The following REEP1 variants were observed in gnomAD, a reference collection of about 807,000 sequenced individuals.
REEP1 encodes receptor accessory protein 1, also known as receptor expression-enhancing protein 1.
A neutral mutation model predicts 40.3 loss-of-function variants in REEP1; 22 were observed. That is an observed-to-expected ratio of 0.55 (90% confidence interval 0.39 to 0.78). The LOEUF (loss-of-function observed/expected upper bound fraction) is 0.78. REEP1 is among the 30% of genes least tolerant of loss of function. The probability of loss-of-function intolerance (pLI) is 0.00; values close to 1 mark genes in which losing one functional copy is unlikely to be tolerated. For synonymous variants in REEP1, 116 were observed against 139.2 expected, an observed-to-expected ratio of 0.83 and a Z score of 1.17; for missense variants, 280 against 361.1, an observed-to-expected ratio of 0.78 and a Z score of 1.82.
chr2:86,313,620 C>A (rs1048682817), intron 1 of REEP1, among the ~76,000 whole-genome samples: 2 of 152,204 alleles, frequency 1.3e-5, no homozygotes, highest in Non-Finnish European at 2.9e-5. Flanking sequence ...ATATTGAAAC[C>A]AGTTTGAGCC....
chr2:86,252,728 G>T (rs1412092504), intron 4 of REEP1, among the ~76,000 whole-genome samples: 1 of 152,080 alleles, frequency 6.6e-6, no homozygotes, highest in Non-Finnish European at 1.5e-5. Flanking sequence ...TTTGTATATC[G>T]ATGGGAGGGA....
At chr2:86,247,307 G>A (rs1029526565) in intron 5 of REEP1, among the ~76,000 whole-genome samples, 4 of 152,290 alleles carry the variant, frequency 2.6e-5, no homozygotes, top group African/African-American at 9.6e-5. Flanking sequence ...GTAGGAAATT[G>A]AGGGTGGGAT....
chr2:86,250,063 T>C (rs562446758), intron 5 of REEP1, among the ~76,000 whole-genome samples: 1 of 152,266 alleles, frequency 6.6e-6, no homozygotes, highest in Non-Finnish European at 1.5e-5. Context: ...ATAAGGTGCC[T>C]GGATGGAGAA....
At chr2:86,264,958 G>A (rs1677061820) in intron 2 of REEP1, among the ~76,000 whole-genome samples, 1 of 152,124 alleles carries the variant, frequency 6.6e-6, no homozygotes, top group South Asian at 2.1e-4. Flanking sequence ...AGTCTTATTT[G>A]TCCAAAGAAA....
At chr2:86,289,388 C>CTATA (rs1678575470) in intron 1 of REEP1, among the ~76,000 whole-genome samples, 4 of 152,166 alleles carry the variant, frequency 2.6e-5, no homozygotes, top group Non-Finnish European at 5.9e-5. Context: ...AACCATGCAC[C>CTATA]TATACCACGG....
chr2:86,313,794 A>G (rs1171273436), intron 1 of REEP1, among the ~76,000 whole-genome samples: 3 of 152,172 alleles, frequency 2.0e-5, no homozygotes, highest in Non-Finnish European at 2.9e-5. Flanking sequence ...GGCTAGGCAG[A>G]TCAGGGAGCA....
chr2:86,226,338 T>C (rs916082147), intron 7 of REEP1, among the ~76,000 whole-genome samples: 9 of 152,074 alleles, frequency 5.9e-5, no homozygotes, highest in African/African-American at 1.4e-4. Context: ...AGGGCTCCCT[T>C]GGCTGCCCCA....
At chr2:86,327,423 G>C (rs746881118) in intron 1 of REEP1, among the ~76,000 whole-genome samples, 2 of 152,156 alleles carry the variant, frequency 1.3e-5, no homozygotes, top group Admixed American at 6.5e-5. Context: ...CTGAGTGAGA[G>C]AGGGGAGGCC....
intron 1 of REEP1, among the ~76,000 whole-genome samples, chr2:86,334,071 A>G (rs908308500): frequency 7.2e-5 from 11 of 152,176 alleles, no homozygotes; most frequent in East Asian, 3.9e-4. Context: ...CAACACAACC[A>G]ACCTTCACTC....
intron 3 of REEP1, among the ~76,000 whole-genome samples, chr2:86,256,378 G>A (rs1676565369): frequency 6.8e-6 from 1 of 148,122 alleles, no homozygotes; most frequent in African/African-American, 2.5e-5. Context: ...AACTTCACCT[G>A]CAACACACCT....
At chr2:86,302,981 C>T (rs900283078) in intron 1 of REEP1, among the ~76,000 whole-genome samples, 11 of 152,120 alleles carry the variant, frequency 7.2e-5, no homozygotes, top group African/African-American at 1.4e-4. Context: ...ACGGTCCACT[C>T]GAGCAGATCA....
intron 1 of REEP1, among the ~76,000 whole-genome samples, chr2:86,285,731 G>T (rs1168035646): frequency 6.6e-6 from 1 of 152,278 alleles, no homozygotes; most frequent in African/African-American, 2.4e-5. Flanking sequence ...CTCGTGCCTG[G>T]CACAGCACCT....
At chr2:86,332,229 AGAG>A (rs919126321) in intron 1 of REEP1, among the ~76,000 whole-genome samples, 1 of 152,104 alleles carries the variant, frequency 6.6e-6, no homozygotes, top group Non-Finnish European at 1.5e-5. Context: ...CCCAGAATCG[AGAG>A]GAGAACATCC....
At chr2:86,322,556 C>T (rs1447998183) in intron 1 of REEP1, among the ~76,000 whole-genome samples, 1 of 151,944 alleles carries the variant, frequency 6.6e-6, no homozygotes, top group East Asian at 1.9e-4. Context: ...AGAGATTCTC[C>T]TGCCCTGGCT....
chr2:86,254,806 A>G lies in REEP1; in HGVS notation c.191T>C (p.Phe64Ser). The change falls in exon 4 of 9, where the codon TTC becomes TCC. Residue 64 changes from phenylalanine (F) to serine (S), a missense_variant. Phe to Ser is a radical substitution (Grantham distance 155). Transcript: ENST00000538924. ...AAATGCTATTTTTAGTTCATAATAGAATGGAAACCTGGAGAGAGAGATGAA... is the reference window on the plus strand; with the variant it reads ...AAATGCTATTTTTAGTTCATAATAGGATGGAAACCTGGAGAGAGAGATGAA... ...FTDIFLCWFP[F>S]YYELKIAFVA... 8 of 1,614,080 alleles carry G rather than the reference A, an allele frequency of 5.0e-6. No individual in the cohort carries two copies. Among genetic ancestry groups the G allele is most frequent in the Non-Finnish European group, 6.8e-6 (8 of 1,179,984 alleles).
At chr2:86,277,227 G>C (rs1053906978) in intron 2 of REEP1, among the ~76,000 whole-genome samples, 5 of 152,086 alleles carry the variant, frequency 3.3e-5, no homozygotes, top group African/African-American at 7.2e-5. Context: ...AACAGCCTTG[G>C]GGGGGCCTCC....
chr2:86,307,923 G>A (rs1350037366), intron 1 of REEP1, among the ~76,000 whole-genome samples: 1 of 152,110 alleles, frequency 6.6e-6, no homozygotes, highest in African/African-American at 2.4e-5. Flanking sequence ...TGGCAGTTGT[G>A]GTAGGATGAT....
intron 5 of REEP1, among the ~76,000 whole-genome samples, chr2:86,246,902 T>A (rs903301533): frequency 6.6e-6 from 1 of 152,122 alleles, no homozygotes. Flanking sequence ...GGTTTCTCCA[T>A]GTTGGTCAGG....
chr2:86,328,508 G>A lies in REEP1; in HGVS notation c.32+8971C>T, dbSNP rs374196143. 2.2e-4 allele frequency among the ~76,000 whole-genome samples: 34 copies of A among 152,228 alleles called. 2 individuals are homozygous for A. Among genetic ancestry groups the A allele is most frequent in the Admixed American group, 7.8e-4 (12 of 15,294 alleles). On this transcript the variant is annotated intron_variant, in intron 1 of 8. Coordinates refer to ENST00000538924, the MANE Select transcript of REEP1 (RefSeq NM_001371279.1). ...ATCCTGGCCAACATGGTGAAACCCC[G>A]TCTCTACTAAAATACAAAAAATTAG...
Sources: gnomAD v4.1 joint callset for allele counts (sites outside exome capture counted in the v4.1 genomes callset) on GRCh38, gnomAD v4.1.1 for gene constraint, MANE v1.5 for transcripts, NCBI Gene and HGNC (gene_info 2026-07-23, HGNC 2026-07-21) for gene names.